The following PLXNA4 variants were observed in gnomAD, a reference collection of about 807,000 sequenced individuals.
The protein encoded by PLXNA4 is plexin A4.
Under a neutral mutation model 191.8 loss-of-function variants are expected in PLXNA4, and 44 were observed. The observed-to-expected ratio is 0.23, with a 90% CI of 0.18 to 0.29. PLXNA4 has a LOEUF of 0.29. PLXNA4 is among the 10% of genes least tolerant of loss of function. The pLI, the probability that PLXNA4 is intolerant of heterozygous loss-of-function variation, is 1.00. For synonymous variants in PLXNA4, 1,082 were observed against 1,009.5 expected (o/e 1.07, Z -1.36); for missense variants, 1,800 against 2,488.8 (o/e 0.72, Z 5.89).
At chr7:132,560,160 C>T (rs1173972644) in intron 1 of PLXNA4, among the ~76,000 whole-genome samples, 3 of 152,184 alleles carry the variant, frequency 2.0e-5, no homozygotes, top group Admixed American at 6.5e-5. Flanking sequence ...AATCTCTTAG[C>T]TCATGGTGGA....
At chr7:132,587,352 T>C (rs1802521599) in intron 2 of PLXNA4, among the ~76,000 whole-genome samples, 1 of 152,250 alleles carries the variant, frequency 6.6e-6, no homozygotes, top group African/African-American at 2.4e-5. Context: ...TTATCTTATT[T>C]AGACATATTT....
intron 3 of PLXNA4, among the ~76,000 whole-genome samples, chr7:132,472,191 T>A (rs924419093): frequency 2.0e-5 from 3 of 152,138 alleles, no homozygotes; most frequent in South Asian, 2.1e-4. Context: ...AATAAAAAAA[T>A]TTTGCCCTGA....
At chr7:132,509,768 CA>C (rs1241485174) in intron 1 of PLXNA4, among the ~76,000 whole-genome samples, 1 of 152,158 alleles carries the variant, frequency 6.6e-6, no homozygotes, top group Non-Finnish European at 1.5e-5. Context: ...CCTACTACTG[CA>C]GGAGAAACTT....
At chr7:132,488,095 TC>T (rs1026791429) in intron 3 of PLXNA4, among the ~76,000 whole-genome samples, 2 of 152,120 alleles carry the variant, frequency 1.3e-5, no homozygotes, top group Non-Finnish European at 2.9e-5. Flanking sequence ...CCATGGTGTT[TC>T]CCCAGTGCTC....
chr7:132,452,528 C>G (rs1796160211), intron 3 of PLXNA4, among the ~76,000 whole-genome samples: 1 of 152,204 alleles, frequency 6.6e-6, no homozygotes, highest in African/African-American at 2.4e-5. Flanking sequence ...AGTCTCGCAT[C>G]TCTCCCTGCA....
chr7:132,593,842 TTGAA>T (rs1802651909), intron 2 of PLXNA4, among the ~76,000 whole-genome samples: 1 of 152,012 alleles, frequency 6.6e-6, no homozygotes, highest in African/African-American at 2.4e-5. Flanking sequence ...CAAAAAGAGG[TTGAA>T]TGAAGGCACC....
intron 3 of PLXNA4, among the ~76,000 whole-genome samples, chr7:132,330,171 C>A (rs1158457378): frequency 1.3e-5 from 2 of 152,104 alleles, no homozygotes; most frequent in East Asian, 1.9e-4. Context: ...CAGTGCAGAG[C>A]CACCGAGGTG....
chr7:132,237,052 G>A (rs1229947307), intron 5 of PLXNA4, among the ~76,000 whole-genome samples: 1 of 152,246 alleles, frequency 6.6e-6, no homozygotes, highest in Non-Finnish European at 1.5e-5. Flanking sequence ...GATAAAGAAA[G>A]TGTTCTATAT....
intron 4 of PLXNA4, among the ~76,000 whole-genome samples, chr7:132,297,411 CAT>C (rs1801128310): frequency 6.6e-6 from 1 of 152,174 alleles, no homozygotes; most frequent in South Asian, 2.1e-4. Context: ...CTGCTGCAGA[CAT>C]ATGACTCCTG....
At chr7:132,406,093 ACAAAGT>A (rs1157117443) in intron 3 of PLXNA4, among the ~76,000 whole-genome samples, 1 of 152,204 alleles carries the variant, frequency 6.6e-6, no homozygotes, top group Non-Finnish European at 1.5e-5. Flanking sequence ...AGACTGCCTG[ACAAAGT>A]CAGAGTCCAA....
rs752188501 is a variant in PLXNA4 at position 132,182,158 on chromosome 7, T to C, written c.3191A>G (p.His1064Arg). The C allele has an allele frequency of 1.2e-6, 2 of 1,614,150 alleles. No homozygotes were observed. Among genetic ancestry groups the C allele is most frequent in the Non-Finnish European group, 1.7e-6 (2 of 1,180,040 alleles). ...CTGGGGGTTCTGTATGAGGTCCAGG[T>C]GGGTCCCCCATACGGCGATGGGTGT... ...GNTPIAVWGTHLDLIQNPQIR... is the reference protein window; with the variant it reads ...GNTPIAVWGTRLDLIQNPQIR... Residue 1064 changes from histidine (H) to arginine (R), a missense_variant, in exon 17 of 32, where the codon CAC becomes CGC. His to Arg is a conservative substitution (Grantham distance 29). Transcript: ENST00000321063.
rs550746586 is a variant in PLXNA4, at chr7:132,500,302, T to C, written c.1188+7204A>G. Reference sequence around the variant, plus strand: ...TACTAAAAATACAAAAATTAGCTGGTCGTGGTGGCGCATGCCTGTAATCCC... The same window carrying C: ...TACTAAAAATACAAAAATTAGCTGGCCGTGGTGGCGCATGCCTGTAATCCC... On this transcript the variant is annotated intron_variant, in intron 2 of 31. Coordinates refer to ENST00000321063, the MANE Select transcript of PLXNA4 (RefSeq NM_020911.2). Among the ~76,000 whole-genome samples, 6 of 152,108 alleles carry C rather than the reference T, an allele frequency of 3.9e-5. No individual in the cohort carries two copies. In the South Asian group the frequency reaches 1.2e-3, roughly 32 times the overall value.
At chr7:132,202,406 A>T (rs780616645) in intron 12 of PLXNA4, among the ~76,000 whole-genome samples, 1 of 152,154 alleles carries the variant, frequency 6.6e-6, no homozygotes, top group Non-Finnish European at 1.5e-5. Context: ...AGAGACTCCA[A>T]CAGGACAGTT....
chr7:132,139,719 G>A (rs558730171), intron 30 of PLXNA4, among the ~76,000 whole-genome samples: 48 of 152,334 alleles, frequency 3.2e-4, no homozygotes, highest in Non-Finnish European at 6.0e-4. Flanking sequence ...AAGTAGGAAG[G>A]TTATTTGGGA....
intron 3 of PLXNA4, among the ~76,000 whole-genome samples, chr7:132,436,841 C>T (rs1390731890): frequency 6.7e-6 from 1 of 148,216 alleles, no homozygotes; most frequent in South Asian, 2.1e-4. Context: ...GGGATGCGGT[C>T]CCTGTTGGTG....
At chr7:132,613,796 T>C (rs986527315) in intron 2 of PLXNA4, among the ~76,000 whole-genome samples, 1 of 152,148 alleles carries the variant, frequency 6.6e-6, no homozygotes, top group Admixed American at 6.5e-5. Context: ...AGATAAAATA[T>C]ATTTTAATAA....
At chr7:132,154,039 A>G (rs1360794621) in intron 25 of PLXNA4, among the ~76,000 whole-genome samples, 2 of 152,192 alleles carry the variant, frequency 1.3e-5, no homozygotes, top group Middle Eastern at 3.2e-3. Flanking sequence ...CAGTCCACGC[A>G]GGACCACCTT....
chr7:132,445,739 T>C (rs1795884160), intron 3 of PLXNA4, among the ~76,000 whole-genome samples: 2 of 152,206 alleles, frequency 1.3e-5, no homozygotes, highest in South Asian at 2.1e-4. Flanking sequence ...GTCCTAGAAA[T>C]GCCACTGACC....
intron 1 of PLXNA4, among the ~76,000 whole-genome samples, chr7:132,570,383 A>G (rs1801924516): frequency 6.6e-6 from 1 of 152,186 alleles, no homozygotes; most frequent in South Asian, 2.1e-4. Flanking sequence ...TAACCCCGCC[A>G]CAAGAACGGA....
Sources: allele counts gnomAD v4.1 joint callset (sites outside exome capture counted in the v4.1 genomes callset), GRCh38; gene constraint gnomAD v4.1.1; transcripts MANE v1.5; gene names NCBI Gene and HGNC (gene_info 2026-07-23, HGNC 2026-07-21).